BTAF1: variants seen among roughly 807,000 people sequenced by gnomAD.
The protein encoded by BTAF1 is TATA-binding protein-associated factor 172.
A neutral mutation model predicts 227.1 loss-of-function variants in BTAF1; 38 were observed. That is an observed-to-expected ratio of 0.17 (90% CI 0.13 to 0.22). The LOEUF is 0.22. BTAF1 is among the 10% of genes least tolerant of loss of function. The pLI, the probability that BTAF1 is intolerant of heterozygous loss-of-function variation, is 1.00. For synonymous variants in BTAF1, 742 were observed against 751.9 expected, an observed-to-expected ratio of 0.99 and a Z score of 0.21; for missense variants, 1,598 against 2,204.0, an observed-to-expected ratio of 0.73 and a Z score of 5.51.
At chr10:91,981,616 C>G in intron 15 of BTAF1, 27 bp from the exon 16 acceptor site, 1 of 1,547,188 alleles carries the variant, frequency 6.5e-7, no homozygotes, top group Non-Finnish European at 8.7e-7. Context: ...AAAAAATTCA[C>G]TTTCATGTCC....
intron 2 of BTAF1, among the ~76,000 whole-genome samples, chr10:91,936,115 A>G (rs1171635218): frequency 5.9e-5 from 9 of 152,192 alleles, no homozygotes; most frequent in African/African-American, 1.9e-4. Context: ...ATGAGTACTC[A>G]TGGGCAATGA....
At position 91,992,280 on chromosome 10, in the gene BTAF1, A is replaced by G; in HGVS notation, c.3016A>G (p.Ser1006Gly). Residue 1006 changes from serine (S) to glycine (G), a missense_variant, in exon 21 of 38, where the codon AGT (serine) becomes GGT (glycine). By Grantham distance (56) the Ser-to-Gly change is moderately conservative. Transcript: ENST00000265990. ...AQIADLPAGS[S>G]GNILVELDEA... is the part of the protein sequence containing the mutation. ...AATAGCAGATCTTCCTGCAGGAAGT[A>G]GTGGAAATATTCTTGTTGAACTTGA... The G allele has an allele frequency of 6.2e-7, 1 of 1,611,912 alleles. No homozygotes were observed. Among genetic ancestry groups the G allele is most frequent in the Admixed American group, 1.7e-5 (1 of 59,620 alleles).
rs767904675 is a variant in BTAF1 at position 91,982,580 on chromosome 10, C to T, written c.2049-7C>T. 1 of 1,607,098 alleles carries T rather than the reference C, an allele frequency of 6.2e-7. No individual in the cohort carries two copies. Among genetic ancestry groups the T allele is most frequent in the Non-Finnish European group, 8.5e-7 (1 of 1,177,280 alleles). Reference sequence around the variant, plus strand: ...TCTTATAGTAACTTCCTTTTTCTCCCTCTTAGGTTGTTAGGAGCACTTTGT... The same window carrying T: ...TCTTATAGTAACTTCCTTTTTCTCCTTCTTAGGTTGTTAGGAGCACTTTGT... On this transcript the variant is annotated splice_region_variant and splice_polypyrimidine_tract_variant and intron_variant, in intron 17 of 37. Transcript: ENST00000265990.
intron 2 of BTAF1, 143 bp downstream of exon 2, chr10:91,935,923 CTTTTT>C: frequency 1.7e-6 from 1 of 599,082 alleles, no homozygotes; most frequent in South Asian, 4.2e-5. Context: ...AAGACTTAAA[CTTTTT>C]TTTTTTTTAA....
chr10:91,969,288 G>A (rs1398085723), intron 14 of BTAF1, among the ~76,000 whole-genome samples: 1 of 151,388 alleles, frequency 6.6e-6, no homozygotes, highest in African/African-American at 2.4e-5. Context: ...TAGAAAATAA[G>A]GTATTCTGTA....
intron 32 of BTAF1, among the ~76,000 whole-genome samples, chr10:92,014,313 C>T (rs949221981): frequency 3.3e-5 from 5 of 152,098 alleles, no homozygotes; most frequent in Non-Finnish European, 7.4e-5. Flanking sequence ...ACTGCAGCCT[C>T]GACCTCCGGG....
chr10:91,981,567 G>C (rs1291975176), intron 15 of BTAF1, 76 bp from the exon 16 acceptor site: 1 of 1,416,388 alleles, frequency 7.1e-7, no homozygotes, highest in Non-Finnish European at 9.4e-7. Context: ...AAAAACCTCA[G>C]TATTCCTAAA....
chr10:91,944,157 T>TAAA (rs11444924), intron 4 of BTAF1, among the ~76,000 whole-genome samples: 1 of 145,828 alleles, frequency 6.9e-6, no homozygotes, highest in African/African-American at 2.5e-5. Flanking sequence ...TGTCTCCAAA[T>TAAA]AAAAAAAAAA....
chr10:91,932,009 CAG>C (rs2133775668), intron 1 of BTAF1, among the ~76,000 whole-genome samples: 1 of 152,266 alleles, frequency 6.6e-6, no homozygotes, highest in African/African-American at 2.4e-5. Context: ...CTGCTACCCT[CAG>C]GGCATTTGGC....
intron 4 of BTAF1, among the ~76,000 whole-genome samples, chr10:91,949,783 C>G (rs1403564562): frequency 6.6e-6 from 1 of 152,020 alleles, no homozygotes; most frequent in Non-Finnish European, 1.5e-5. Context: ...CCCTTTCTAA[C>G]TTCCTGGGAT....
intron 34 of BTAF1, among the ~76,000 whole-genome samples, chr10:92,022,461 A>C (rs561459330): frequency 3.9e-5 from 6 of 152,170 alleles, no homozygotes; most frequent in African/African-American, 1.4e-4. Context: ...TTACCCTGTC[A>C]CTCAGGCTGG....
In BTAF1 at chr10:91,942,093, G is replaced by A. The variant is rs561478074; in HGVS notation, c.254-329G>A. 2.3e-4 allele frequency among the ~76,000 whole-genome samples: 35 copies of A among 152,268 alleles called. No homozygotes were observed. The East Asian group carries it at 4.6e-3, about 20-fold the overall frequency. On this transcript the variant is annotated intron_variant, in intron 3 of 37. Transcript: ENST00000265990. The stretch of plus-strand genomic sequence containing the variant: ...AGAGTTTGAGACCAGCCTGGGGCAA[G>A]ATGGTGAGACCCTTGTCTCTACAAA...
intron 1 of BTAF1, among the ~76,000 whole-genome samples, chr10:91,933,565 A>G (rs1844408964): frequency 6.6e-6 from 1 of 152,162 alleles, no homozygotes; most frequent in Non-Finnish European, 1.5e-5. Context: ...TTAGGAAGGA[A>G]AGTATTGTAA....
At chr10:92,016,279 G>A (rs1564720200) in intron 32 of BTAF1, 61 bp from the exon 33 acceptor site, 4 of 1,542,688 alleles carry the variant, frequency 2.6e-6, no homozygotes, top group East Asian at 2.4e-5. Context: ...TGCTGGTTAT[G>A]TGTTTTGAAC....
At chr10:91,959,319 A>T in intron 9 of BTAF1, 165 bp downstream of exon 9, 4 of 1,400,616 alleles carry the variant, frequency 2.9e-6, no homozygotes, top group Non-Finnish European at 2.8e-6. Context: ...GTAGAGTAAG[A>T]TGAATAAGAG....
intron 1 of BTAF1, among the ~76,000 whole-genome samples, chr10:91,929,499 A>C (rs980548810): frequency 1.4e-4 from 21 of 152,258 alleles, no homozygotes; most frequent in Admixed American, 6.5e-4. Context: ...TACATATAGC[A>C]GACCTTTGCT....
chr10:91,958,591 A>C (rs1221940948), intron 8 of BTAF1, among the ~76,000 whole-genome samples: 1 of 152,042 alleles, frequency 6.6e-6, no homozygotes, highest in East Asian at 2.0e-4. Flanking sequence ...AATCCCAGCT[A>C]CTTGGGGGGC....
chr10:92,011,019 A>G lies in BTAF1; in HGVS notation c.4104-54A>G. ...AAAGCACTTTATACAAATGGTAGCTATTAAGAACTTTTCAGGGTCTCTGTT... is the reference window on the plus strand; with the variant it reads ...AAAGCACTTTATACAAATGGTAGCTGTTAAGAACTTTTCAGGGTCTCTGTT... On this transcript the variant is annotated intron_variant, in intron 28 of 37. Coordinates refer to ENST00000265990, the MANE Select transcript of BTAF1 (RefSeq NM_003972.3). The G allele has an allele frequency of 3.0e-6, 4 of 1,318,274 alleles. No individual in the cohort carries two copies. In the South Asian group the frequency reaches 5.0e-5, roughly 17 times the overall value. 81.7% of individuals were successfully genotyped at this position (1,318,274 alleles called of 1,614,324 possible).
intron 2 of BTAF1, among the ~76,000 whole-genome samples, chr10:91,939,708 G>A (rs1300626990): frequency 2.0e-5 from 3 of 152,200 alleles, no homozygotes; most frequent in African/African-American, 7.2e-5. Flanking sequence ...AAAGTGCTGG[G>A]ATTATAGGTG....
Sources: gnomAD v4.1 joint callset for allele counts (sites outside exome capture counted in the v4.1 genomes callset) on GRCh38, gnomAD v4.1.1 for gene constraint, MANE v1.5 for transcripts, NCBI Gene and HGNC (gene_info 2026-07-23, HGNC 2026-07-21) for gene names.